The following EXOC1 variants were observed in gnomAD, a reference collection of about 807,000 sequenced individuals.
The protein encoded by EXOC1 is exocyst complex component 1, also known as SEC3-like 1.
EXOC1 carries 67 observed loss-of-function variants against 107.7 expected under a neutral mutation model. The ratio of observed to expected loss-of-function variants is 0.62; its 90% CI spans 0.51 to 0.76. The LOEUF (loss-of-function observed/expected upper bound fraction) is 0.76, where lower values mean the gene tolerates loss of function less well. EXOC1 is among the 30% of genes least tolerant of loss of function. The pLI, the probability that EXOC1 is intolerant of heterozygous loss-of-function variation, is 0.00. For missense variants in EXOC1, 833 were observed against 1,055.7 expected (o/e 0.79, Z 2.92); for synonymous variants, 348 against 353.5 (o/e 0.98, Z 0.17).
intron 16 of EXOC1, among the ~76,000 whole-genome samples, chr4:55,898,995 A>AT (rs1725573987): frequency 6.6e-6 from 1 of 152,170 alleles, no homozygotes; most frequent in Admixed American, 6.5e-5. Flanking sequence ...CAGAAAGCTT[A>AT]TGTCAGTTTA....
At chr4:55,877,807 T>C in intron 8 of EXOC1, 110 bp from the exon 9 acceptor site, 1 of 1,490,422 alleles carries the variant, frequency 6.7e-7, no homozygotes. Context: ...ATTATTTTTC[T>C]ATGTCTTATT....
At chr4:55,890,129 C>A (rs1577750432) in intron 11 of EXOC1, 94 bp from the exon 12 acceptor site, 1 of 1,233,900 alleles carries the variant, frequency 8.1e-7, no homozygotes, top group Non-Finnish European at 1.2e-6. Flanking sequence ...CCTGGAAGAT[C>A]AAGCCAGTAG....
intron 16 of EXOC1, among the ~76,000 whole-genome samples, chr4:55,897,451 A>C (rs973780362): frequency 6.6e-6 from 1 of 152,166 alleles, no homozygotes; most frequent in Non-Finnish European, 1.5e-5. Context: ...CATATCTACT[A>C]TACAAGGAAA....
chr4:55,857,574 A>G (rs1489855277), intron 1 of EXOC1, among the ~76,000 whole-genome samples: 1 of 152,046 alleles, frequency 6.6e-6, no homozygotes, highest in South Asian at 2.1e-4. Flanking sequence ...TTTTTTGGCT[A>G]TTGCAAATAG....
In EXOC1 at chr4:55,858,363, A is replaced by C. The variant is rs1721182006; in HGVS notation, c.40A>C (p.Thr14Pro). ...IKHALQRDIF[T>P]PNDERLLSIV... Reference sequence around the variant, plus strand: ...GCATGCATTACAAAGAGACATTTTTACACCAAATGATGAACGCCTGCTGAG... The same window carrying C: ...GCATGCATTACAAAGAGACATTTTTCCACCAAATGATGAACGCCTGCTGAG... Residue 14 changes from threonine to proline, a missense_variant, in exon 2 of 19, where the codon ACA becomes CCA. This residue lies in a region of EXOC1 where 617 missense variants were observed against 701.3 expected (regional missense o/e 0.88). Transcript: ENST00000381295. 1 of 1,610,362 alleles carries C rather than the reference A, an allele frequency of 6.2e-7. No homozygotes were observed. Among genetic ancestry groups the C allele is most frequent in the African/African-American group, 1.3e-5 (1 of 74,846 alleles).
At chr4:55,859,279 T>C (rs1721264401) in intron 2 of EXOC1, among the ~76,000 whole-genome samples, 1 of 152,146 alleles carries the variant, frequency 6.6e-6, no homozygotes, top group South Asian at 2.1e-4. Context: ...CAGTTCTCTA[T>C]TTATCTAGGT....
At chr4:55,862,011 G>T (rs569848815) in intron 3 of EXOC1, among the ~76,000 whole-genome samples, 1 of 151,864 alleles carries the variant, frequency 6.6e-6, no homozygotes, top group Non-Finnish European at 1.5e-5. Flanking sequence ...CCGAGATTGC[G>T]CCACTGCACT....
intron 1 of EXOC1, among the ~76,000 whole-genome samples, chr4:55,856,986 TC>T (rs1288632610): frequency 2.6e-5 from 4 of 151,910 alleles, no homozygotes; most frequent in Admixed American, 6.6e-5. Context: ...GTTTCCACCT[TC>T]CCTTCCAGCT....
intron 9 of EXOC1, chr4:55,882,964 T>C (rs1224703162): frequency 6.6e-6 from 1 of 152,166 alleles, no homozygotes; most frequent in African/African-American, 2.4e-5. Context: ...TGGAAAAATA[T>C]ACAGTCTCCC....
intron 8 of EXOC1, chr4:55,876,323 C>T (rs1164947241): frequency 5.1e-6 from 5 of 984,016 alleles, no homozygotes; most frequent in Non-Finnish European, 6.0e-6. Flanking sequence ...GTCTACGCTC[C>T]GTTATCCAGA....
intron 10 of EXOC1, among the ~76,000 whole-genome samples, chr4:55,885,377 CT>C (rs1270974101): frequency 2.0e-5 from 3 of 152,086 alleles, no homozygotes; most frequent in African/African-American, 7.2e-5. Flanking sequence ...ACAATAGTAT[CT>C]TAATGTTATC....
In EXOC1 at chr4:55,904,597, T is replaced by G; in HGVS notation, c.*102T>G. ...GTTTTGAGAACCCAGACTTAAAATT[T>G]TATGTATTATTAAATGTTAGATAAA... On this transcript the variant is annotated 3_prime_UTR_variant, in exon 19 of 19. Transcript: ENST00000381295. 8.5e-7 allele frequency: 1 copy of G among 1,181,868 alleles called. No individual in the cohort carries two copies. The highest frequency in any genetic ancestry group is 1.2e-6 in the Non-Finnish European group (1 of 869,566). The allele number at this position is 1,181,868 out of a possible 1,614,324, so 73.2% of individuals were successfully genotyped here.
At chr4:55,854,208 C>T (rs979126774) in intron 1 of EXOC1, among the ~76,000 whole-genome samples, 2 of 144,106 alleles carry the variant, frequency 1.4e-5, no homozygotes, top group East Asian at 2.1e-4. Context: ...CCCGCCAAAT[C>T]TCTTAAGTGT....
chr4:55,883,669 A>G (rs982938687), intron 9 of EXOC1, 154 bp from the exon 10 acceptor site: 1 of 490,048 alleles, frequency 2.0e-6, no homozygotes, highest in Non-Finnish European at 3.6e-6. Flanking sequence ...ATTGTTTTTT[A>G]AGACAGAAAG....
intron 10 of EXOC1, among the ~76,000 whole-genome samples, chr4:55,886,575 C>CAAAAAAACAAAAAAAA (rs1553878029): frequency 2.1e-5 from 2 of 96,156 alleles, no homozygotes; most frequent in African/African-American, 3.9e-5. Flanking sequence ...AACAAAAAAA[C>CAAAAAAACAAAAAAAA]AAAAAAAAAA....
At chr4:55,888,610 A>G (rs1008115181) in intron 10 of EXOC1, among the ~76,000 whole-genome samples, 1 of 152,150 alleles carries the variant, frequency 6.6e-6, no homozygotes, top group Admixed American at 6.5e-5. Flanking sequence ...TAAAAAAAAA[A>G]AACATTTTAA....
chr4:55,888,953 A>C, intron 11 of EXOC1, 21 bp downstream of exon 11: 3 of 1,611,772 alleles, frequency 1.9e-6, no homozygotes, highest in Non-Finnish European at 2.5e-6. Context: ...TTAGTGTATT[A>C]GTAGGTATTC....
chr4:55,885,731 T>C (rs1723813597), intron 10 of EXOC1: 1 of 152,212 alleles, frequency 6.6e-6, no homozygotes, highest in African/African-American at 2.4e-5. Context: ...ATTATTTTGA[T>C]ATCAGCTACA....
intron 8 of EXOC1, 159 bp from the exon 9 acceptor site, chr4:55,877,758 G>C (rs1723033235): frequency 1.0e-6 from 1 of 984,038 alleles, no homozygotes; most frequent in African/African-American, 1.7e-5. Flanking sequence ...TAAAAGTTGT[G>C]TAAGTATTTG....
Sources: allele counts gnomAD v4.1 joint callset (sites outside exome capture counted in the v4.1 genomes callset), GRCh38; gene constraint gnomAD v4.1.1; regional missense constraint gnomAD v4.1.1; transcripts MANE v1.5; gene names NCBI Gene and HGNC (gene_info 2026-07-23, HGNC 2026-07-21).